Variants in NAALADL2 observed in about 807,000 individuals in gnomAD.
NAALADL2 encodes the protein N-acetylated alpha-linked acidic dipeptidase like 2.
A neutral mutation model predicts 87.2 loss-of-function variants in NAALADL2; 76 were observed. That is an observed-to-expected ratio of 0.87 (90% CI 0.72 to 1.05). NAALADL2 has a LOEUF of 1.05. Among genes scored for constraint, NAALADL2 ranks in the 50% least tolerant of loss-of-function variants. NAALADL2 has a pLI of 0.00. For synonymous variants in NAALADL2, 354 were observed against 331.0 expected, an observed-to-expected ratio of 1.07 and a Z score of -0.75; for missense variants, 1,089 against 945.8, an observed-to-expected ratio of 1.15 and a Z score of -1.99.
At chr3:175,513,682 T>C (rs1454493025) in intron 9 of NAALADL2, among the ~76,000 whole-genome samples, 1 of 152,224 alleles carries the variant, frequency 6.6e-6, no homozygotes, top group African/African-American at 2.4e-5. Context: ...ATGGGAAATA[T>C]GATTTACAGT....
chr3:174,827,073 G>A (rs1722076606), intron 3 of NAALADL2, among the ~76,000 whole-genome samples: 2 of 152,104 alleles, frequency 1.3e-5, no homozygotes, highest in South Asian at 2.1e-4. Flanking sequence ...AACTTCTTGA[G>A]TTCAATCTTC....
At chr3:174,459,888 T>C (rs936691873) in intron 1 of NAALADL2, 1 of 152,198 alleles carries the variant, frequency 6.6e-6, no homozygotes, top group African/African-American at 2.4e-5. Context: ...TGTCTTAACA[T>C]GTTAATAGGA....
At chr3:175,737,173 T>A in intron 11 of NAALADL2, 133 bp from the exon 12 acceptor site, 1 of 565,194 alleles carries the variant, frequency 1.8e-6, no homozygotes, top group Non-Finnish European at 3.1e-6. Flanking sequence ...AAAAGAGATT[T>A]TATAAAACTA....
chr3:175,365,084 T>A lies in NAALADL2; in HGVS notation c.1090+40759T>A, dbSNP rs1353252779. Among the ~76,000 whole-genome samples, 2 of 147,298 alleles carry A rather than the reference T, an allele frequency of 1.4e-5. 1 individual carries two copies. The highest frequency in any genetic ancestry group is 4.9e-5 in the African/African-American group (2 of 40,602). ...ACTTATTTAAGTCACTATTTGGAAATTTATTCTATGCCAATTGGGTGGATG... is the reference window on the plus strand; with the variant it reads ...ACTTATTTAAGTCACTATTTGGAAAATTATTCTATGCCAATTGGGTGGATG... On this transcript the variant is annotated intron_variant, in intron 5 of 13. Coordinates refer to ENST00000454872, the MANE Select transcript of NAALADL2 (RefSeq NM_207015.3).
chr3:175,326,871 A>C (rs1442585207), intron 5 of NAALADL2, among the ~76,000 whole-genome samples: 4 of 152,192 alleles, frequency 2.6e-5, no homozygotes, highest in Non-Finnish European at 5.9e-5. Context: ...CAACATGGTT[A>C]CTTTGGGGAT....
intron 5 of NAALADL2, among the ~76,000 whole-genome samples, chr3:175,437,861 C>G (rs1718983078): frequency 6.6e-6 from 1 of 151,932 alleles, no homozygotes; most frequent in African/African-American, 2.4e-5. Flanking sequence ...GGGAATATTG[C>G]TTTCCACTCC....
chr3:175,571,643 T>C (rs1718093550), intron 9 of NAALADL2, among the ~76,000 whole-genome samples: 2 of 152,144 alleles, frequency 1.3e-5, no homozygotes, highest in South Asian at 4.1e-4. Context: ...CACATTAGGA[T>C]TGAATATAGA....
intron 2 of NAALADL2, among the ~76,000 whole-genome samples, chr3:175,102,970 A>C (rs1161574771): frequency 2.6e-5 from 4 of 152,002 alleles, no homozygotes; most frequent in Admixed American, 2.0e-4. Context: ...TTACCCGGGC[A>C]TGGTGGCATG....
At chr3:174,655,095 T>G (rs1422559698) in intron 2 of NAALADL2, among the ~76,000 whole-genome samples, 1 of 152,174 alleles carries the variant, frequency 6.6e-6, no homozygotes, top group Non-Finnish European at 1.5e-5. Flanking sequence ...GCATATTTAT[T>G]TTTTAGAATT....
intron 2 of NAALADL2, among the ~76,000 whole-genome samples, chr3:174,714,735 A>G (rs1311953355): frequency 6.6e-6 from 1 of 152,162 alleles, no homozygotes; most frequent in African/African-American, 2.4e-5. Flanking sequence ...CAATCATGTC[A>G]TCTGCAAACA....
intron 2 of NAALADL2, among the ~76,000 whole-genome samples, chr3:174,671,553 A>T (rs1188483789): frequency 6.6e-6 from 1 of 152,096 alleles, no homozygotes; most frequent in East Asian, 1.9e-4. Flanking sequence ...TCCCCAAATC[A>T]TATTCTTTCA....
chr3:175,605,640 GTT>G (rs751433758), intron 10 of NAALADL2, among the ~76,000 whole-genome samples: 2 of 36,676 alleles, frequency 5.5e-5, no homozygotes, highest in African/African-American at 7.7e-5. Flanking sequence ...TATATTGCTT[GTT>G]TTTTTTTTTT....
At chr3:174,513,307 A>G (rs1719729227) in intron 1 of NAALADL2, among the ~76,000 whole-genome samples, 1 of 152,146 alleles carries the variant, frequency 6.6e-6, no homozygotes, top group Non-Finnish European at 1.5e-5. Flanking sequence ...CTGGTATTGT[A>G]TATATCTCCA....
rs143219533 is a variant in NAALADL2 at position 175,486,450 on chromosome 3, A to G, written c.1653+14692A>G. Among the ~76,000 whole-genome samples, 1,111 of 152,190 alleles carry G rather than the reference A, an allele frequency of 7.3e-3. 9 individuals carry two copies. The highest frequency in any genetic ancestry group is 0.012 in the Non-Finnish European group (842 of 67,998). On this transcript the variant is annotated intron_variant, in intron 9 of 13. Coordinates refer to ENST00000454872, the MANE Select transcript of NAALADL2 (RefSeq NM_207015.3). The stretch of plus-strand genomic sequence containing the variant: ...AAAGGACGTTTGTTACCCAGTTAGC[A>G]TTTCTCTCTCTATTCCTTCAGCAAT...
At chr3:175,550,555 G>C (rs369597957) in intron 9 of NAALADL2, among the ~76,000 whole-genome samples, 4 of 152,186 alleles carry the variant, frequency 2.6e-5, no homozygotes, top group Non-Finnish European at 4.4e-5. Flanking sequence ...TAAGGATACT[G>C]ATTGGTATTT....
intron 3 of NAALADL2, among the ~76,000 whole-genome samples, chr3:174,766,920 A>C (rs1343734917): frequency 1.3e-5 from 2 of 152,158 alleles, no homozygotes; most frequent in African/African-American, 4.8e-5. Context: ...CAGAGCCTGC[A>C]TGGACAGCTG....
chr3:175,349,041 G>A (rs1242668462), intron 5 of NAALADL2, among the ~76,000 whole-genome samples: 1 of 152,108 alleles, frequency 6.6e-6, no homozygotes, highest in South Asian at 2.1e-4. Flanking sequence ...ACATAGTTGA[G>A]TTTCTTTTTC....
chr3:175,771,807 G>A (rs1419362801), intron 13 of NAALADL2, among the ~76,000 whole-genome samples: 22 of 152,086 alleles, frequency 1.4e-4, no homozygotes, highest in Admixed American at 1.4e-3. Context: ...CCCAAGACTG[G>A]GTTATTTATA....
At chr3:175,439,552 G>C (rs750235973) in intron 5 of NAALADL2, among the ~76,000 whole-genome samples, 2 of 151,728 alleles carry the variant, frequency 1.3e-5, no homozygotes, top group Non-Finnish European at 2.9e-5. Context: ...AAGCCAGGTG[G>C]CATCGTATTG....
Sources: allele counts gnomAD v4.1 joint callset (sites outside exome capture counted in the v4.1 genomes callset), GRCh38; gene constraint gnomAD v4.1.1; transcripts MANE v1.5; gene names NCBI Gene and HGNC (gene_info 2026-07-23, HGNC 2026-07-21).